Variants in GRM7 observed in about 807,000 individuals in gnomAD.
GRM7 encodes metabotropic glutamate receptor 7.
In GRM7, 35 loss-of-function variants were observed where a neutral mutation model predicts 84.5. The observed-to-expected ratio is 0.41, with a 90% CI of 0.32 to 0.55. The LOEUF (loss-of-function observed/expected upper bound fraction) is 0.55. GRM7 is among the 20% of genes least tolerant of loss of function. The pLI is 0.19. For missense variants in GRM7, 1,003 were observed against 1,194.6 expected (o/e 0.84, Z 2.36); for synonymous variants, 487 against 455.1 (o/e 1.07, Z -0.89).
At chr3:7,556,593 T>C (rs905638270) in intron 7 of GRM7, among the ~76,000 whole-genome samples, 3 of 152,190 alleles carry the variant, frequency 2.0e-5, no homozygotes, top group Non-Finnish European at 2.9e-5. Flanking sequence ...GGCATTGTAC[T>C]AACTGATGAG....
chr3:7,360,108 A>C (rs1166628307), intron 4 of GRM7, among the ~76,000 whole-genome samples: 1 of 143,996 alleles, frequency 6.9e-6, no homozygotes, highest in Non-Finnish European at 1.5e-5. Context: ...GCATAAGGGT[A>C]TCTCTTTCTC....
chr3:7,333,992 T>C (rs1041893331), intron 4 of GRM7, among the ~76,000 whole-genome samples: 2 of 151,892 alleles, frequency 1.3e-5, no homozygotes, highest in Admixed American at 6.6e-5. Context: ...ATAAGAATAA[T>C]TGTTGTTCCT....
intron 9 of GRM7, among the ~76,000 whole-genome samples, chr3:7,721,580 C>A (rs180959662): frequency 1.1e-4 from 16 of 152,306 alleles, no homozygotes; most frequent in African/African-American, 3.6e-4. Flanking sequence ...CTTCAGCTAA[C>A]CTAACTGACA....
intron 1 of GRM7, among the ~76,000 whole-genome samples, chr3:6,967,458 G>A (rs949346168): frequency 6.6e-6 from 1 of 152,176 alleles, no homozygotes; most frequent in East Asian, 1.9e-4. Context: ...GTCTCCCAAA[G>A]TGTTGGGATT....
At chr3:7,665,886 C>T (rs1318354266) in intron 8 of GRM7, among the ~76,000 whole-genome samples, 3 of 152,106 alleles carry the variant, frequency 2.0e-5, no homozygotes, top group Non-Finnish European at 2.9e-5. Context: ...AAAGAGGGTC[C>T]GTTTTACTCA....
chr3:7,563,191 G>A (rs1694102751), intron 7 of GRM7, among the ~76,000 whole-genome samples: 1 of 152,116 alleles, frequency 6.6e-6, no homozygotes, highest in African/African-American at 2.4e-5. Flanking sequence ...TTTAGTTTCA[G>A]TGATTTAAGG....
chr3:7,464,726 G>C (rs1698391182), intron 7 of GRM7, among the ~76,000 whole-genome samples: 1 of 151,820 alleles, frequency 6.6e-6, no homozygotes, highest in South Asian at 2.1e-4. Flanking sequence ...TACTCGGGAG[G>C]CTGAGGCAGG....
chr3:6,894,603 A>C (rs954956140), intron 1 of GRM7, among the ~76,000 whole-genome samples: 2 of 152,160 alleles, frequency 1.3e-5, no homozygotes, highest in South Asian at 4.1e-4. Flanking sequence ...AAATATATAC[A>C]CATATATATT....
At chr3:7,299,972 A>G (rs1282626485) in intron 3 of GRM7, among the ~76,000 whole-genome samples, 2 of 151,634 alleles carry the variant, frequency 1.3e-5, no homozygotes, top group East Asian at 1.9e-4. Flanking sequence ...TAAAAACATA[A>G]CATGCAAATA....
chr3:7,671,517 G>C (rs1261420838), intron 8 of GRM7, among the ~76,000 whole-genome samples: 1 of 151,568 alleles, frequency 6.6e-6, no homozygotes, highest in African/African-American at 2.4e-5. Context: ...GAATGCAGTT[G>C]TGTGTAGCCT....
intron 8 of GRM7, among the ~76,000 whole-genome samples, chr3:7,638,578 G>GA (rs1698213320): frequency 6.6e-6 from 1 of 152,172 alleles, no homozygotes; most frequent in South Asian, 2.1e-4. Context: ...CTTTCTAAAT[G>GA]AAAAATGGAT....
intron 7 of GRM7, among the ~76,000 whole-genome samples, chr3:7,526,006 CAT>C (rs1160809935): frequency 6.6e-6 from 1 of 151,892 alleles, no homozygotes; most frequent in African/African-American, 2.4e-5. Context: ...CTGTGAAAAA[CAT>C]ATGAGTACAT....
chr3:7,255,937 T>G (rs1336701958), intron 2 of GRM7, among the ~76,000 whole-genome samples: 1 of 152,156 alleles, frequency 6.6e-6, no homozygotes, highest in Non-Finnish European at 1.5e-5. Flanking sequence ...ACTATGCCAC[T>G]CTCTGCTTAA....
At chr3:7,185,812 G>A (rs1018615165) in intron 2 of GRM7, among the ~76,000 whole-genome samples, 4 of 152,178 alleles carry the variant, frequency 2.6e-5, no homozygotes, top group African/African-American at 9.7e-5. Flanking sequence ...AATACCTGAT[G>A]CTTTGCATAG....
chr3:7,285,700 T>C (rs1421430821), intron 2 of GRM7, among the ~76,000 whole-genome samples: 1 of 152,104 alleles, frequency 6.6e-6, no homozygotes, highest in African/African-American at 2.4e-5. Context: ...AATAGTTTTT[T>C]GCCCTCTTGG....
intron 2 of GRM7, among the ~76,000 whole-genome samples, chr3:7,288,530 C>T (rs1216781445): frequency 6.6e-6 from 1 of 152,148 alleles, no homozygotes; most frequent in Non-Finnish European, 1.5e-5. Flanking sequence ...GTGTTCCAAG[C>T]TCCAGTCTTC....
At chr3:7,051,737 A>C (rs1697008007) in intron 1 of GRM7, among the ~76,000 whole-genome samples, 1 of 151,734 alleles carries the variant, frequency 6.6e-6, no homozygotes, top group African/African-American at 2.4e-5. Context: ...ATGCCTTTTA[A>C]AGTGCAAAAG....
In GRM7 at chr3:7,567,241, A is replaced by G. The variant is rs139026314; in HGVS notation, c.1516-11181A>G. Among the ~76,000 whole-genome samples, 25 of 152,308 alleles carry G rather than the reference A, an allele frequency of 1.6e-4. No homozygotes were observed. In the East Asian group the frequency reaches 4.8e-3, roughly 29 times the overall value. ...GACTGTGAAAAGTTGTAATTCCACT[A>G]CAATATTGTATGTTCCCATTAAATC... On this transcript the variant is annotated intron_variant, in intron 7 of 9. Transcript: ENST00000357716.
At chr3:7,593,847 G>A (rs1036479401) in intron 8 of GRM7, among the ~76,000 whole-genome samples, 1 of 152,022 alleles carries the variant, frequency 6.6e-6, no homozygotes, top group African/African-American at 2.4e-5. Flanking sequence ...CTGTGGAGAA[G>A]CAAGAGTAGG....
Sources: allele counts gnomAD v4.1 joint callset (sites outside exome capture counted in the v4.1 genomes callset), GRCh38; gene constraint gnomAD v4.1.1; transcripts MANE v1.5; gene names NCBI Gene and HGNC (gene_info 2026-07-23, HGNC 2026-07-21).